Variants in EPHX4 observed in about 807,000 individuals in gnomAD.
The protein encoded by EPHX4 is abhydrolase domain containing 7.
EPHX4 carries 31 observed loss-of-function variants against 44.9 expected under a neutral mutation model. That is an observed-to-expected ratio of 0.69 (90% CI 0.52 to 0.93). EPHX4 has a LOEUF of 0.93. Ranked by LOEUF, EPHX4 falls within the 40% of genes least tolerant of loss-of-function variation. The probability of loss-of-function intolerance (pLI) is 0.00; values close to 1 mark genes in which losing one functional copy is unlikely to be tolerated. For missense variants in EPHX4, 373 were observed against 438.1 expected (o/e 0.85, Z 1.33); for synonymous variants, 151 against 159.7 (o/e 0.95, Z 0.41).
At chr1:92,046,166 G>T (rs570821071) in intron 4 of EPHX4, among the ~76,000 whole-genome samples, 5 of 152,102 alleles carry the variant, frequency 3.3e-5, no homozygotes, top group African/African-American at 1.2e-4. Context: ...ATATTTATAT[G>T]TTAATTCATC....
chr1:92,038,495 C>T (rs1688470074), intron 2 of EPHX4, among the ~76,000 whole-genome samples: 1 of 152,170 alleles, frequency 6.6e-6, no homozygotes, highest in Non-Finnish European at 1.5e-5. Flanking sequence ...CTTTATTAAG[C>T]ACCTACAGGG....
At chr1:92,056,981 A>G (rs1444060884) in intron 6 of EPHX4, among the ~76,000 whole-genome samples, 2 of 152,138 alleles carry the variant, frequency 1.3e-5, no homozygotes, top group Non-Finnish European at 2.9e-5. Context: ...TAAAAAATCT[A>G]TGGAAATTAG....
intron 6 of EPHX4, among the ~76,000 whole-genome samples, chr1:92,061,122 T>TG (rs1180980215): frequency 1.3e-5 from 2 of 152,162 alleles, no homozygotes; most frequent in East Asian, 3.9e-4. Flanking sequence ...TCAGGTGATC[T>TG]GCCCACCTTG....
At chr1:92,052,746 C>A in intron 6 of EPHX4, 88 bp downstream of exon 6, 2 of 1,196,946 alleles carry the variant, frequency 1.7e-6, no homozygotes, top group Non-Finnish European at 2.3e-6. Flanking sequence ...AAGTTCACCA[C>A]TTATCCAAAG....
intron 4 of EPHX4, among the ~76,000 whole-genome samples, chr1:92,049,935 T>C (rs1647218924): frequency 6.6e-6 from 1 of 151,758 alleles, no homozygotes; most frequent in Non-Finnish European, 1.5e-5. Context: ...CTGCCTCTAC[T>C]AAAAATACAA....
intron 6 of EPHX4, among the ~76,000 whole-genome samples, chr1:92,054,535 C>G (rs989095500): frequency 2.0e-5 from 3 of 149,716 alleles, no homozygotes; most frequent in Non-Finnish European, 4.4e-5. Flanking sequence ...TTGCAGTGAA[C>G]CGAGATCACG....
chr1:92,036,800 T>C (rs1200737450), intron 2 of EPHX4, among the ~76,000 whole-genome samples: 1 of 152,186 alleles, frequency 6.6e-6, no homozygotes, highest in Non-Finnish European at 1.5e-5. Context: ...CATCTGAAAA[T>C]ACTACATGGA....
intron 6 of EPHX4, 124 bp downstream of exon 6, chr1:92,052,782 T>G (rs1647290502): frequency 1.2e-6 from 1 of 859,004 alleles, no homozygotes; most frequent in Non-Finnish European, 1.7e-6. Flanking sequence ...TTTAATTTTT[T>G]TAGTAAGTTG....
intron 6 of EPHX4, among the ~76,000 whole-genome samples, chr1:92,061,707 A>G (rs1343203147): frequency 1.3e-5 from 2 of 152,214 alleles, no homozygotes; most frequent in Non-Finnish European, 2.9e-5. Flanking sequence ...ATCTTTTACA[A>G]TTATTTTTGA....
Position 92,052,676 on chromosome 1 carries a change from T to A in EPHX4, c.857+18T>A. The A allele has an allele frequency of 1.3e-6, 2 of 1,566,780 alleles. No individual in the cohort carries two copies. The highest frequency in any genetic ancestry group is 1.7e-6 in the Non-Finnish European group (2 of 1,162,148). ...ATCTTCAGGTAAGTATAATTTCTTT[T>A]TAGTTAAATAAAAATATTTCAGTCT... is the stretch of plus-strand genomic sequence containing the variant. On this transcript the variant is annotated intron_variant, in intron 6 of 6. Transcript: ENST00000370383.
At chr1:92,060,181 G>A (rs1486529720) in intron 6 of EPHX4, among the ~76,000 whole-genome samples, 3 of 151,998 alleles carry the variant, frequency 2.0e-5, no homozygotes, top group African/African-American at 7.3e-5. Context: ...GGCTGAGGTG[G>A]GAGGATTGCT....
chr1:92,045,425 T>A, intron 3 of EPHX4, 107 bp from the exon 4 acceptor site: 1 of 1,376,126 alleles, frequency 7.3e-7, no homozygotes, highest in Non-Finnish European at 1.0e-6. Flanking sequence ...ATAATTAGGA[T>A]AAGATAATGA....
At chr1:92,043,862 C>T (rs1283436768) in intron 3 of EPHX4, 1 of 152,030 alleles carries the variant, frequency 6.6e-6, no homozygotes, top group African/African-American at 2.4e-5. Flanking sequence ...GAGGGTGAGC[C>T]CAGGTGCACA....
At chr1:92,030,831 A>G (rs111629203) in intron 1 of EPHX4, among the ~76,000 whole-genome samples, 77 of 152,194 alleles carry the variant, frequency 5.1e-4, no homozygotes, top group South Asian at 1.9e-3. Flanking sequence ...CTTAGGTTGC[A>G]TGAAACAATA....
At position 92,045,660 on chromosome 1, in the gene EPHX4, G is replaced by C. The variant is rs761184469; in HGVS notation, c.604G>C (p.Glu202Gln). The C allele has an allele frequency of 2.4e-5, 38 of 1,613,662 alleles. No individual in the cohort carries two copies. The highest frequency in any genetic ancestry group is 3.0e-5 in the Non-Finnish European group (35 of 1,179,886). Reference protein sequence around the residue: ...INFPHPNVFTEYILRHPAQLL... With the variant: ...INFPHPNVFTQYILRHPAQLL... ...CTTCCCTCATCCAAATGTATTTACA[G>C]GTGAGTTCAAGTTTTTATCAAAACA... is the stretch of plus-strand genomic sequence containing the variant. The change falls in exon 4 of 7, where the codon GAA becomes CAA. Residue 202 changes from glutamate (E) to glutamine (Q), a missense_variant and splice_region_variant. By Grantham distance (29) the Glu-to-Gln change is conservative (BLOSUM62 2). Transcript: ENST00000370383.
chr1:92,062,983 C>T, intron 6 of EPHX4, 72 bp from the exon 7 acceptor site: 1 of 1,318,182 alleles, frequency 7.6e-7, no homozygotes, highest in South Asian at 1.3e-5. Context: ...GTATGACCTA[C>T]TGGGGCACTA....
At position 92,037,513 on chromosome 1, in the gene EPHX4, TCC is replaced by T. The variant is rs1259560558; in HGVS notation, c.317+4924_317+4925del. On this transcript the variant is annotated intron_variant, in intron 2 of 6. Coordinates refer to ENST00000370383, the MANE Select transcript of EPHX4 (RefSeq NM_173567.5). ...CTCTCTCTCCACTTCAATTTGCATC[TCC>T]TTTAAAAATATTTTGAGCTGAGGCA... 4.3e-4 allele frequency among the ~76,000 whole-genome samples: 66 copies of T among 152,316 alleles called. 1 individual carries two copies. In the East Asian group the frequency reaches 0.012, roughly 28 times the overall value.
chr1:92,032,878 A>G (rs954704929), intron 2 of EPHX4, among the ~76,000 whole-genome samples: 5 of 152,172 alleles, frequency 3.3e-5, no homozygotes, highest in Admixed American at 3.3e-4. Context: ...CAGAGCCTGC[A>G]TGACCTAACC....
intron 2 of EPHX4, among the ~76,000 whole-genome samples, chr1:92,034,202 A>G (rs2101865742): frequency 6.9e-6 from 1 of 145,426 alleles, no homozygotes; most frequent in South Asian, 2.3e-4. Context: ...CGGGAGGCTG[A>G]GGCAGGAGAA....
Sources: gnomAD v4.1 joint callset for allele counts (sites outside exome capture counted in the v4.1 genomes callset) on GRCh38, gnomAD v4.1.1 for gene constraint, MANE v1.5 for transcripts, NCBI Gene and HGNC (gene_info 2026-07-23, HGNC 2026-07-21) for gene names.